The following FHIT variants were observed in gnomAD, a reference collection of about 807,000 sequenced individuals.
FHIT encodes fragile histidine triad diadenosine triphosphatase.
In FHIT, 19 loss-of-function variants were observed where a neutral mutation model predicts 17.9. That is an observed-to-expected ratio of 1.06 (90% CI 0.74 to 1.56). The LOEUF is 1.56. Among genes scored for constraint, FHIT ranks in the 40% most tolerant of loss-of-function variants. FHIT has a pLI of 0.00. For synonymous variants in FHIT, 81 were observed against 69.7 expected (o/e 1.16, Z -0.81); for missense variants, 248 against 189.2 (o/e 1.31, Z -1.82).
chr3:61,039,660 A>C (rs552675154), intron 3 of FHIT, among the ~76,000 whole-genome samples: 29 of 152,272 alleles, frequency 1.9e-4, no homozygotes, highest in African/African-American at 6.7e-4. Context: ...CAATGAGAAC[A>C]CATGGACACA....
chr3:60,527,822 T>C (rs549582768), intron 5 of FHIT, among the ~76,000 whole-genome samples: 21 of 152,292 alleles, frequency 1.4e-4, no homozygotes, highest in African/African-American at 4.3e-4. Context: ...ACATAGAAGT[T>C]TGCAGCACAT....
intron 4 of FHIT, among the ~76,000 whole-genome samples, chr3:60,696,975 C>A (rs1553700777): frequency 6.6e-6 from 1 of 152,060 alleles, no homozygotes; most frequent in African/African-American, 2.4e-5. Flanking sequence ...AACATGAGTG[C>A]ACTCATTAAG....
At chr3:61,098,323 C>A (rs1397492896) in intron 2 of FHIT, among the ~76,000 whole-genome samples, 2 of 152,112 alleles carry the variant, frequency 1.3e-5, no homozygotes, top group Non-Finnish European at 2.9e-5. Flanking sequence ...TGTCTTTGTA[C>A]CAGAGCCATG....
chr3:59,765,119 G>C (rs557436181), intron 8 of FHIT, among the ~76,000 whole-genome samples: 2 of 152,112 alleles, frequency 1.3e-5, no homozygotes, highest in Non-Finnish European at 1.5e-5. Flanking sequence ...ATATTATAGA[G>C]AGTTATAACT....
At chr3:60,523,754 C>A (rs2035465512) in intron 5 of FHIT, among the ~76,000 whole-genome samples, 1 of 152,176 alleles carries the variant, frequency 6.6e-6, no homozygotes, top group Admixed American at 6.5e-5. Context: ...TGGCTGGAAT[C>A]CACATGGAAA....
chr3:60,797,455 CAGTAGTAGT>C lies in FHIT; in HGVS notation c.-18+24455_-18+24463del, dbSNP rs59090057. On this transcript the variant is annotated intron_variant, in intron 4 of 9. Transcript: ENST00000492590. ...GACAGATTCTGGCATAAAGAAATTGCAGTAGTAGTAGTAGTAGTAGTAGTAGTAGTAGTA... is the reference window on the plus strand; with the variant it reads ...GACAGATTCTGGCATAAAGAAATTGCAGTAGTAGTAGTAGTAGTAGTAGTA... Among the ~76,000 whole-genome samples, 1,301 of 148,098 alleles carry C rather than the reference CAGTAGTAGT, an allele frequency of 8.8e-3. 11 individuals carry two copies. The highest frequency in any genetic ancestry group is 0.026 in the African/African-American group (1,043 of 39,774).
chr3:61,022,655 T>G (rs540851363), intron 3 of FHIT, among the ~76,000 whole-genome samples: 3 of 152,278 alleles, frequency 2.0e-5, no homozygotes, highest in Non-Finnish European at 4.4e-5. Flanking sequence ...CACGATCAAG[T>G]TGGCTTAATC....
chr3:60,635,484 T>C (rs2039560318), intron 4 of FHIT, among the ~76,000 whole-genome samples: 1 of 152,144 alleles, frequency 6.6e-6, no homozygotes, highest in Non-Finnish European at 1.5e-5. Flanking sequence ...CACTACCCTT[T>C]CCCCACCTCT....
intron 4 of FHIT, chr3:60,732,270 T>C: frequency 1.1e-6 from 1 of 909,012 alleles, no homozygotes; most frequent in South Asian, 1.3e-5. Flanking sequence ...ATGCTTGCCA[T>C]CCAACCACTG....
At chr3:60,543,720 G>C (rs185586611) in intron 4 of FHIT, among the ~76,000 whole-genome samples, 1 of 151,900 alleles carries the variant, frequency 6.6e-6, no homozygotes. Flanking sequence ...GCTTCTAATG[G>C]TTTCTGCTGA....
chr3:61,223,708 C>T (rs1021332255), intron 1 of FHIT, among the ~76,000 whole-genome samples: 2 of 152,168 alleles, frequency 1.3e-5, no homozygotes, highest in Non-Finnish European at 2.9e-5. Flanking sequence ...ATCCCTGACT[C>T]GAGTGAGGGG....
intron 8 of FHIT, among the ~76,000 whole-genome samples, chr3:59,759,707 A>G (rs1701407310): frequency 6.6e-6 from 1 of 152,020 alleles, no homozygotes; most frequent in African/African-American, 2.4e-5. Context: ...CCTCCCTGGC[A>G]CTGTCCTTTC....
intron 3 of FHIT, among the ~76,000 whole-genome samples, chr3:61,022,151 T>C (rs1398949197): frequency 6.6e-6 from 1 of 151,844 alleles, no homozygotes; most frequent in African/African-American, 2.4e-5. Context: ...CAACAAAAAA[T>C]GATAAAGGGG....
chr3:60,041,616 T>C (rs905828616), intron 5 of FHIT, among the ~76,000 whole-genome samples: 3 of 152,206 alleles, frequency 2.0e-5, no homozygotes, highest in African/African-American at 7.2e-5. Flanking sequence ...ACCCCACTTC[T>C]GTCAACCCAG....
intron 8 of FHIT, among the ~76,000 whole-genome samples, chr3:59,803,794 T>G (rs1700092623): frequency 6.6e-6 from 1 of 152,062 alleles, no homozygotes; most frequent in South Asian, 2.1e-4. Flanking sequence ...AATCCCTATT[T>G]GCTTCAGTAA....
chr3:59,984,136 T>C (rs1708781925), intron 7 of FHIT, among the ~76,000 whole-genome samples: 1 of 152,094 alleles, frequency 6.6e-6, no homozygotes, highest in Non-Finnish European at 1.5e-5. Context: ...CACCAGACTG[T>C]TTTCCCAGTA....
intron 5 of FHIT, among the ~76,000 whole-genome samples, chr3:60,219,077 G>C (rs1320269112): frequency 6.6e-6 from 1 of 152,014 alleles, no homozygotes; most frequent in Non-Finnish European, 1.5e-5. Flanking sequence ...TAATTTAGAA[G>C]TTAATATTGT....
rs560462198 is a variant in FHIT at position 60,531,206 on chromosome 3, T to C, written c.103+5654A>G. 2.0e-5 allele frequency among the ~76,000 whole-genome samples: 3 copies of C among 152,216 alleles called. No homozygotes were observed. In the East Asian group the frequency reaches 5.8e-4, roughly 29 times the overall value. On this transcript the variant is annotated intron_variant, in intron 5 of 9. Coordinates refer to ENST00000492590, the MANE Select transcript of FHIT (RefSeq NM_002012.4). ...AAATTTTAAGAGCAAAAACCTATCT[T>C]TAGCTATAAAGATATTAAAATAGTG...
At chr3:61,218,170 A>G (rs2039738547) in intron 1 of FHIT, among the ~76,000 whole-genome samples, 1 of 152,228 alleles carries the variant, frequency 6.6e-6, no homozygotes, top group South Asian at 2.1e-4. Context: ...CCAGGGAGTC[A>G]GTATAAGTAG....
Sources: gnomAD v4.1 joint callset for allele counts (sites outside exome capture counted in the v4.1 genomes callset) on GRCh38, gnomAD v4.1.1 for gene constraint, MANE v1.5 for transcripts, NCBI Gene and HGNC (gene_info 2026-07-23, HGNC 2026-07-21) for gene names.